The following RPE65 variants were observed in gnomAD, a reference collection of about 807,000 sequenced individuals.
RPE65 encodes the protein retinoid isomerohydrolase.
Under a neutral mutation model 68.5 loss-of-function variants are expected in RPE65, and 58 were observed. The observed-to-expected ratio is 0.85, with a 90% confidence interval of 0.69 to 1.05. The LOEUF is 1.05. RPE65 is among the 50% of genes least tolerant of loss of function. The pLI is 0.00. For missense variants in RPE65, 643 were observed against 629.9 expected, an observed-to-expected ratio of 1.02 and a Z score of -0.22; for synonymous variants, 220 against 222.2, an observed-to-expected ratio of 0.99 and a Z score of 0.09.
chr1:68,445,000 C>T (rs990288836), intron 3 of RPE65, 117 bp from the exon 4 acceptor site: 12 of 866,784 alleles, frequency 1.4e-5, no homozygotes, highest in Non-Finnish European at 1.7e-5. Flanking sequence ...AAATGCACAA[C>T]ATGAAGAATA....
intron 1 of RPE65, among the ~76,000 whole-genome samples, chr1:68,449,664 C>G (rs371147725): frequency 1.3e-5 from 2 of 152,146 alleles, no homozygotes; most frequent in East Asian, 1.9e-4. Flanking sequence ...AATCCCCATA[C>G]TCAAGACTGC....
intron 7 of RPE65, 57 bp downstream of exon 7, chr1:68,439,504 A>C: frequency 6.3e-7 from 1 of 1,587,648 alleles, no homozygotes; most frequent in Non-Finnish European, 8.6e-7. Context: ...AAAGGTAGGC[A>C]AAGCAAATCT....
In RPE65 at chr1:68,438,228, G is replaced by A. The variant is rs121917744; in HGVS notation, c.1087C>T (p.Pro363Ser). 10 of 1,613,908 alleles carry A rather than the reference G, an allele frequency of 6.2e-6. No individual in the cohort carries two copies. The highest frequency in any genetic ancestry group is 1.6e-4 in the Middle Eastern group (1 of 6,062). Reference sequence around the variant, plus strand: ...GGAAGTACATATCTCCTAACTTCAGGTTGGGGAGCCTTTCTGGCATTTTTT... The same window carrying A: ...GGAAGTACATATCTCCTAACTTCAGATTGGGGAGCCTTTCTGGCATTTTTT... ...VKKNARKAPQ[P>S]EVRRYVLPLN... is the part of the protein sequence containing the mutation. Residue 363 changes from proline to serine, a missense_variant, in exon 10 of 14, where the codon CCT (proline) becomes TCT (serine). Transcript: ENST00000262340.
At chr1:68,439,879 A>G (rs1645887896) in intron 6 of RPE65, among the ~76,000 whole-genome samples, 2 of 152,292 alleles carry the variant, frequency 1.3e-5, no homozygotes, top group Non-Finnish European at 2.9e-5. Context: ...GGGTTGTGGC[A>G]AGTGGAGTGT....
At chr1:68,444,159 A>G (rs1000192263) in intron 5 of RPE65, among the ~76,000 whole-genome samples, 1 of 152,030 alleles carries the variant, frequency 6.6e-6, no homozygotes, top group African/African-American at 2.4e-5. Context: ...GCACTTGATA[A>G]GTATTTGTGT....
At chr1:68,447,518 C>G (rs1026481477) in intron 2 of RPE65, among the ~76,000 whole-genome samples, 1 of 152,150 alleles carries the variant, frequency 6.6e-6, no homozygotes, top group African/African-American at 2.4e-5. Flanking sequence ...GTGGGGTACC[C>G]AAGATAGTCC....
intron 1 of RPE65, 83 bp downstream of exon 1, chr1:68,449,812 C>T (rs1457208673): frequency 2.7e-6 from 4 of 1,482,702 alleles, no homozygotes; most frequent in Non-Finnish European, 2.8e-6. Flanking sequence ...TTAATCAATG[C>T]CTTCTCTTCA....
chr1:68,443,824 A>G (rs1645920614), intron 5 of RPE65, among the ~76,000 whole-genome samples: 1 of 152,206 alleles, frequency 6.6e-6, no homozygotes, highest in African/African-American at 2.4e-5. Context: ...CAAAATGTGT[A>G]TCTAAGGACT....
intron 1 of RPE65, among the ~76,000 whole-genome samples, chr1:68,449,154 A>AT (rs1645963683): frequency 6.6e-6 from 1 of 151,936 alleles, no homozygotes; most frequent in Non-Finnish European, 1.5e-5. Flanking sequence ...AGCATCATTG[A>AT]TTTTCTTGCC....
intron 10 of RPE65, among the ~76,000 whole-genome samples, chr1:68,437,272 A>T (rs1033042561): frequency 2.1e-4 from 32 of 151,978 alleles, no homozygotes; most frequent in African/African-American, 7.0e-4. Context: ...AATAAACCAA[A>T]CTCAGCAACT....
At chr1:68,449,789 C>CA in intron 1 of RPE65, 106 bp downstream of exon 1, 1 of 1,363,146 alleles carries the variant, frequency 7.3e-7, no homozygotes, top group Non-Finnish European at 1.0e-6. Context: ...AAGGGTCTTT[C>CA]CTAAACAGGT....
At chr1:68,448,149 G>A (rs866143464) in intron 2 of RPE65, among the ~76,000 whole-genome samples, 2 of 152,292 alleles carry the variant, frequency 1.3e-5, no homozygotes, top group African/African-American at 4.8e-5. Context: ...GGCTCAGAAC[G>A]TTTAAGTAAC....
At chr1:68,447,453 G>C (rs1645950747) in intron 2 of RPE65, among the ~76,000 whole-genome samples, 1 of 152,154 alleles carries the variant, frequency 6.6e-6, no homozygotes, top group Non-Finnish European at 1.5e-5. Flanking sequence ...ATGACTTCTG[G>C]TTTAGGATCA....
intron 2 of RPE65, among the ~76,000 whole-genome samples, chr1:68,448,294 G>A (rs1040931297): frequency 6.6e-6 from 1 of 152,068 alleles, no homozygotes; most frequent in African/African-American, 2.4e-5. Context: ...CTTGTCACTG[G>A]GCCTTCATTT....
Position 68,433,493 on chromosome 1 carries a change from G to A in RPE65, c.1129-1908C>T, listed in dbSNP as rs1485805180. ...ATGCTGGTGGGTGGGTAGATGTGCTGGCAAGTCTATGGTTCCTTTCTGATT... is the reference window on the plus strand; with the variant it reads ...ATGCTGGTGGGTGGGTAGATGTGCTAGCAAGTCTATGGTTCCTTTCTGATT... On this transcript the variant is annotated intron_variant, in intron 10 of 13. Transcript: ENST00000262340. Among the ~76,000 whole-genome samples, 3 of 152,242 alleles carry A rather than the reference G, an allele frequency of 2.0e-5. 1 individual carries two copies. In the East Asian group the frequency reaches 5.8e-4, roughly 29 times the overall value.
rs150821448 is a variant in RPE65 at position 68,436,398 on chromosome 1, T to C, written c.1128+1789A>G. Among the ~76,000 whole-genome samples the C allele has an allele frequency of 5.4e-3, 826 of 152,206 alleles. 4 individuals are homozygous for C. The highest frequency in any genetic ancestry group is 8.9e-3 in the Non-Finnish European group (603 of 68,008). Reference sequence around the variant, plus strand: ...AGTGGGTACTTTCAAATTACATCTATAAAGTAAAATTTATTCTTTTTTCTA... The same window carrying C: ...AGTGGGTACTTTCAAATTACATCTACAAAGTAAAATTTATTCTTTTTTCTA... On this transcript the variant is annotated intron_variant, in intron 10 of 13. Coordinates refer to ENST00000262340, the MANE Select transcript of RPE65 (RefSeq NM_000329.3).
chr1:68,449,233 A>G (rs1256704152), intron 1 of RPE65, among the ~76,000 whole-genome samples: 3 of 152,074 alleles, frequency 2.0e-5, no homozygotes, highest in Admixed American at 6.5e-5. Flanking sequence ...CAGGTACCTC[A>G]TCTTTCATTA....
At chr1:68,437,325 T>C (rs984911101) in intron 10 of RPE65, among the ~76,000 whole-genome samples, 7 of 152,204 alleles carry the variant, frequency 4.6e-5, no homozygotes, top group African/African-American at 1.7e-4. Flanking sequence ...TAACTCCTCC[T>C]TGCCTTTATA....
rs41406946 is a variant in RPE65, at chr1:68,435,097, T to C, written c.1128+3090A>G. On this transcript the variant is annotated intron_variant, in intron 10 of 13. Coordinates refer to ENST00000262340, the MANE Select transcript of RPE65 (RefSeq NM_000329.3). ...ACCCTTTTCAACTTGTCTATGGCAA[T>C]GGGCACCGTATAACCCTCACCTGCA... Among the ~76,000 whole-genome samples the C allele has an allele frequency of 1.7e-3, 255 of 152,272 alleles. 1 individual carries two copies. The highest frequency in any genetic ancestry group is 5.9e-3 in the African/African-American group (245 of 41,550).
Sources: allele counts gnomAD v4.1 joint callset (sites outside exome capture counted in the v4.1 genomes callset), GRCh38; gene constraint gnomAD v4.1.1; transcripts MANE v1.5; gene names NCBI Gene and HGNC (gene_info 2026-07-23, HGNC 2026-07-21).